Variants in ACTR3B observed in about 807,000 individuals in gnomAD.
The protein encoded by ACTR3B is actin-related protein 3B.
In ACTR3B, 8 loss-of-function variants were observed where a neutral mutation model predicts 59.0. That is an observed-to-expected ratio of 0.14 (90% CI 0.08 to 0.24). The LOEUF (loss-of-function observed/expected upper bound fraction) is 0.24. Ranked by LOEUF, ACTR3B falls within the 10% of genes least tolerant of loss-of-function variation. ACTR3B has a pLI of 1.00. For synonymous variants in ACTR3B, 148 were observed against 197.9 expected, an observed-to-expected ratio of 0.75 and a Z score of 2.12; for missense variants, 245 against 552.3, an observed-to-expected ratio of 0.44 and a Z score of 5.58.
At chr7:152,775,190 CAAAAAAAAAA>C (rs67260503) in intron 1 of ACTR3B, among the ~76,000 whole-genome samples, 1 of 42,598 alleles carries the variant, frequency 2.3e-5, no homozygotes, top group Non-Finnish European at 4.6e-5. Context: ...AACCCTGTCT[CAAAAAAAAAA>C]AAAAAAAAAA....
intron 2 of ACTR3B, among the ~76,000 whole-genome samples, chr7:152,794,012 G>A (rs2098206747): frequency 6.6e-6 from 1 of 151,868 alleles, no homozygotes; most frequent in Non-Finnish European, 1.5e-5. Flanking sequence ...GGGTGACATA[G>A]ATTATTTAGA....
At chr7:152,811,744 C>T (rs149747945) in intron 4 of ACTR3B, 5,556 of 151,628 alleles carry the variant, frequency 0.037, no homozygotes, top group South Asian at 0.12. Flanking sequence ...GTTGGTATTG[C>T]CACATGTTCT....
At chr7:152,785,406 A>G (rs1404760693) in intron 2 of ACTR3B, among the ~76,000 whole-genome samples, 1 of 2,308 alleles carries the variant, frequency 4.3e-4, no homozygotes, top group Non-Finnish European at 8.6e-4. Flanking sequence ...GGGGAGGGGG[A>G]GAGGGAGGGA....
At chr7:152,837,795 C>T (rs1203062383) in intron 9 of ACTR3B, among the ~76,000 whole-genome samples, 1 of 152,112 alleles carries the variant, frequency 6.6e-6, no homozygotes, top group East Asian at 1.9e-4. Flanking sequence ...TTCAAACCGA[C>T]TTTGTTGTGG....
chr7:152,761,517 A>G (rs1485854291), intron 1 of ACTR3B, among the ~76,000 whole-genome samples: 1 of 152,194 alleles, frequency 6.6e-6, no homozygotes, highest in East Asian at 1.9e-4. Context: ...TTCTTGCTAT[A>G]AATACCTAAA....
At chr7:152,826,388 AGTT>A (rs1796576808) in intron 9 of ACTR3B, among the ~76,000 whole-genome samples, 1 of 151,562 alleles carries the variant, frequency 6.6e-6, no homozygotes, top group Non-Finnish European at 1.5e-5. Context: ...TGTGTTTTAA[AGTT>A]GTTTGAAATT....
intron 4 of ACTR3B, among the ~76,000 whole-genome samples, chr7:152,802,857 A>G (rs1460010617): frequency 1.3e-5 from 2 of 152,236 alleles, no homozygotes; most frequent in Non-Finnish European, 2.9e-5. Flanking sequence ...TAGTTAATGG[A>G]ATAACTATTA....
At chr7:152,852,094 A>T in intron 9 of ACTR3B, 32 bp from the exon 10 acceptor site, 1 of 1,613,810 alleles carries the variant, frequency 6.2e-7, no homozygotes, top group Non-Finnish European at 8.5e-7. Context: ...GGGCGGTTTT[A>T]CCCAGGGCTC....
At chr7:152,820,159 C>T (rs1467836942) in intron 6 of ACTR3B, 140 bp from the exon 7 acceptor site, 1 of 1,457,164 alleles carries the variant, frequency 6.9e-7, no homozygotes. Context: ...ACTGAGCTTG[C>T]AGAGGGTGGG....
chr7:152,848,616 C>G (rs1391411680), intron 9 of ACTR3B, among the ~76,000 whole-genome samples: 1 of 152,182 alleles, frequency 6.6e-6, no homozygotes, highest in Non-Finnish European at 1.5e-5. Context: ...ATATCATCGG[C>G]CAGCGTGGCC....
chr7:152,788,632 T>G (rs1490523218), intron 2 of ACTR3B, among the ~76,000 whole-genome samples: 2 of 151,974 alleles, frequency 1.3e-5, no homozygotes, highest in South Asian at 4.1e-4. Context: ...AGGCTGGTCT[T>G]GAACTCCTGA....
intron 2 of ACTR3B, among the ~76,000 whole-genome samples, chr7:152,783,975 A>G (rs1455708692): frequency 6.6e-6 from 1 of 152,110 alleles, no homozygotes; most frequent in African/African-American, 2.4e-5. Context: ...CTGTAATCCC[A>G]GCGACTCGGG....
At chr7:152,779,040 T>C (rs1468448684) in intron 1 of ACTR3B, among the ~76,000 whole-genome samples, 1 of 145,136 alleles carries the variant, frequency 6.9e-6, no homozygotes, top group Non-Finnish European at 1.5e-5. Flanking sequence ...TTCAGTATTA[T>C]AGACATATCG....
chr7:152,780,843 GATT>G (rs937286004), intron 1 of ACTR3B, among the ~76,000 whole-genome samples: 6 of 129,910 alleles, frequency 4.6e-5, no homozygotes, highest in Admixed American at 1.5e-4. Flanking sequence ...TAACTTTTCA[GATT>G]TTTTTTTTTT....
In ACTR3B at chr7:152,771,809, C is replaced by T. The variant is rs1277554913; in HGVS notation, c.45-11378C>T. 2.0e-5 allele frequency among the ~76,000 whole-genome samples: 3 copies of T among 152,334 alleles called. No individual in the cohort carries two copies. The Middle Eastern group carries it at 0.01, about 518-fold the overall frequency. On this transcript the variant is annotated intron_variant, in intron 1 of 11. Coordinates refer to ENST00000256001, the MANE Select transcript of ACTR3B (RefSeq NM_020445.6). ...CTGAAAGATAGGCCGGGCACGGTGG[C>T]TCGTGCCTATAATCCCAGCACTTTG...
intron 4 of ACTR3B, among the ~76,000 whole-genome samples, chr7:152,804,592 G>A (rs188308082): frequency 2.0e-5 from 3 of 152,330 alleles, no homozygotes; most frequent in Admixed American, 2.0e-4. Context: ...AGAATGGCAG[G>A]AGTGGGTGGA....
At chr7:152,841,755 C>T (rs1393380636) in intron 9 of ACTR3B, among the ~76,000 whole-genome samples, 2 of 152,184 alleles carry the variant, frequency 1.3e-5, no homozygotes, top group Non-Finnish European at 2.9e-5. Flanking sequence ...GCCAAATGTA[C>T]ACCCTCTTTA....
rs1374034815 is a variant in ACTR3B, at chr7:152,765,710, G to T, written c.44+5784G>T. On this transcript the variant is annotated intron_variant, in intron 1 of 11. Transcript: ENST00000256001. ...GCTTTTGGTCTCCCTGGGAGTGGGT[G>T]GAAGTGTGGAGGCATCCAGGGCATA... is the stretch of plus-strand genomic sequence containing the variant. 2.0e-5 allele frequency among the ~76,000 whole-genome samples: 3 copies of T among 152,062 alleles called. No homozygotes were observed. In the East Asian group the frequency reaches 5.8e-4, roughly 29 times the overall value.
intron 9 of ACTR3B, among the ~76,000 whole-genome samples, chr7:152,832,592 T>C (rs755570853): frequency 5.3e-5 from 8 of 152,156 alleles, no homozygotes; most frequent in Non-Finnish European, 1.0e-4. Context: ...TTGACCAAGC[T>C]GGTCTTGAAC....
Sources: allele counts gnomAD v4.1 joint callset (sites outside exome capture counted in the v4.1 genomes callset), GRCh38; gene constraint gnomAD v4.1.1; transcripts MANE v1.5; gene names NCBI Gene and HGNC (gene_info 2026-07-23, HGNC 2026-07-21).